Variants in BRD9 observed in about 807,000 individuals in gnomAD.
The protein encoded by BRD9 is bromodomain containing 9.
BRD9 carries 47 observed loss-of-function variants against 68.7 expected under a neutral mutation model. The ratio of observed to expected loss-of-function variants is 0.68; its 90% CI spans 0.54 to 0.87. The LOEUF (loss-of-function observed/expected upper bound fraction) is 0.87, where lower values mean the gene tolerates loss of function less well. Ranked by LOEUF, BRD9 falls within the 40% of genes least tolerant of loss-of-function variation. The probability of loss-of-function intolerance (pLI) is 0.00; values close to 1 mark genes in which losing one functional copy is unlikely to be tolerated. For synonymous variants in BRD9, 313 were observed against 293.9 expected (o/e 1.06, Z -0.67); for missense variants, 670 against 748.4 (o/e 0.90, Z 1.22).
chr5:892,701 G>A lies in BRD9; in HGVS notation c.-44C>T. The A allele has an allele frequency of 7.4e-7, 1 of 1,352,270 alleles. No homozygotes were observed. Among genetic ancestry groups the A allele is most frequent in the South Asian group, 1.9e-5 (1 of 53,524 alleles). 83.8% of individuals were successfully genotyped at this position (1,352,270 alleles called of 1,614,324 possible). A position where few individuals can be genotyped will look rare whatever the true frequency, so the allele number is the denominator to read the frequency against. On this transcript the variant is annotated 5_prime_UTR_variant, in exon 1 of 16. Transcript: ENST00000467963. ...CCCGAGGCGGGGGCTGGGAACAGCT[G>A]GCACCCGGTCGGACCTTGGCCGCCA...
intron 3 of BRD9, among the ~76,000 whole-genome samples, chr5:890,197 A>C (rs1244321019): frequency 6.6e-6 from 1 of 152,126 alleles, no homozygotes; most frequent in African/African-American, 2.4e-5. Flanking sequence ...TGTTTCAAAA[A>C]TAAATTAAAA....
At position 891,709 on chromosome 5, in the gene BRD9, C is replaced by A; in HGVS notation, c.198G>T (p.Lys66Asn). The change falls in exon 2 of 16, where the codon AAG (lysine) becomes AAT (asparagine). Residue 66 changes from lysine to asparagine, a missense_variant. By Grantham distance (94) the Lys-to-Asn change is moderately conservative. Around this residue, in one of 5 missense-constraint regions of BRD9, gnomAD observed 161 missense variants for 148.1 expected, o/e 1.09. Coordinates refer to ENST00000467963, the MANE Select transcript of BRD9 (RefSeq NM_023924.5). ...SDHERERHKEKKKKKKKKSEK... is the reference protein window; with the variant it reads ...SDHERERHKENKKKKKKKSEK... Reference sequence around the variant, plus strand: ...CGGACTTCTTCTTCTTCTTCTTTTTCTTTTCTTTGTGCCTCTCTCGCTCAT... The same window carrying A: ...CGGACTTCTTCTTCTTCTTCTTTTTATTTTCTTTGTGCCTCTCTCGCTCAT... 6.4e-7 allele frequency: 1 copy of A among 1,551,590 alleles called. No homozygotes were observed. The highest frequency in any genetic ancestry group is 8.7e-7 in the Non-Finnish European group (1 of 1,146,988).
chr5:873,302 G>C (rs1750421806), intron 12 of BRD9, among the ~76,000 whole-genome samples: 1 of 152,198 alleles, frequency 6.6e-6, no homozygotes, highest in Non-Finnish European at 1.5e-5. Context: ...CAGATAAGGA[G>C]AAACTGAAGA....
intron 9 of BRD9, 24 bp downstream of exon 9, chr5:881,083 A>T: frequency 6.2e-7 from 1 of 1,612,584 alleles, no homozygotes; most frequent in Non-Finnish European, 8.5e-7. Flanking sequence ...GAGAGCATAA[A>T]GCCAGCCCTG....
chr5:869,843 C>G (rs547226204), intron 14 of BRD9, among the ~76,000 whole-genome samples: 1 of 152,340 alleles, frequency 6.6e-6, no homozygotes, highest in South Asian at 2.1e-4. Flanking sequence ...TGACTGATGT[C>G]CTCTGTCTCC....
In BRD9 at chr5:871,420, A is replaced by G. The variant is rs1389104023; in HGVS notation, c.1422+106T>C. On this transcript the variant is annotated intron_variant, in intron 13 of 15. Coordinates refer to ENST00000467963, the MANE Select transcript of BRD9 (RefSeq NM_023924.5). ...ATCTTACTGATCAGAAACGGACTCCATTTCTAAACGCCGTCATACACACAG... is the reference window on the plus strand; with the variant it reads ...ATCTTACTGATCAGAAACGGACTCCGTTTCTAAACGCCGTCATACACACAG... 5 of 1,014,832 alleles carry G rather than the reference A, an allele frequency of 4.9e-6. No homozygotes were observed. The African/African-American group carries it at 6.4e-5, about 13-fold the overall frequency. The allele number at this position is 1,014,832 out of a possible 1,614,324, so 62.9% of individuals were successfully genotyped here.
chr5:884,888 G>T (rs535099381), intron 7 of BRD9, among the ~76,000 whole-genome samples: 1 of 152,378 alleles, frequency 6.6e-6, no homozygotes, highest in Admixed American at 6.5e-5. Context: ...TGTGACACTA[G>T]GTGAAGGTGA....
chr5:886,553 C>CA (rs760084072), intron 7 of BRD9, 39 bp downstream of exon 7: 3 of 1,580,002 alleles, frequency 1.9e-6, no homozygotes, highest in Non-Finnish European at 2.6e-6. Context: ...CTATGGTGCT[C>CA]AACTCCAAAA....
Position 865,483 on chromosome 5 carries a change from C to T in BRD9, c.1624G>A (p.Gly542Ser), listed in dbSNP as rs767016534. The T allele has an allele frequency of 1.6e-5, 26 of 1,602,058 alleles. No homozygotes were observed. In the South Asian group the frequency reaches 2.2e-4, roughly 14 times the overall value. Residue 542 changes from glycine to serine, a missense_variant, in exon 15 of 16, where the codon GGC becomes AGC. Transcript: ENST00000467963. Reference protein sequence around the residue: ...QDLHEAQAERGGSRPSSNLSS... With the variant: ...QDLHEAQAERSGSRPSSNLSS... ...AGGTTGGACGACGGCCGAGAGCCGCCGCGCTCCGCCTGTGCTTCGTGCAGG... is the reference window on the plus strand; with the variant it reads ...AGGTTGGACGACGGCCGAGAGCCGCTGCGCTCCGCCTGTGCTTCGTGCAGG...
intron 14 of BRD9, 127 bp downstream of exon 14, chr5:870,346 T>C: frequency 1.4e-6 from 1 of 716,518 alleles, no homozygotes; most frequent in South Asian, 1.8e-5. Context: ...AAAGACCAAA[T>C]ACCGTAACAA....
intron 1 of BRD9, 154 bp downstream of exon 1, chr5:892,452 C>T: frequency 7.1e-7 from 1 of 1,410,792 alleles, no homozygotes; most frequent in East Asian, 3.0e-5. Context: ...CGGTTCCCTG[C>T]CCGAAATCCC....
In BRD9 at chr5:892,543, CG is replaced by C. The variant is rs1753620799; in HGVS notation, c.52+62del. On this transcript the variant is annotated intron_variant, in intron 1 of 15. Coordinates refer to ENST00000467963, the MANE Select transcript of BRD9 (RefSeq NM_023924.5). ...TGCCCAGGACCCCCGTCCGCGTGCCCGGAACTCCTCCCCCGTGCCCGGGACC... is the reference window on the plus strand; with the variant it reads ...TGCCCAGGACCCCCGTCCGCGTGCCCGAACTCCTCCCCCGTGCCCGGGACC... 3.7e-5 allele frequency: 56 copies of C among 1,522,120 alleles called. No homozygotes were observed. The East Asian group carries it at 1.4e-3, about 38-fold the overall frequency. 94.3% of individuals were successfully genotyped at this position (1,522,120 alleles called of 1,614,324 possible).
chr5:892,545 G>C, intron 1 of BRD9, 61 bp downstream of exon 1: 3 of 1,523,126 alleles, frequency 2.0e-6, no homozygotes, highest in East Asian at 5.2e-5. Context: ...CGCGTGCCCG[G>C]AACTCCTCCC....
rs1442325864 is a variant in BRD9 at position 883,972 on chromosome 5, C to T, written c.932G>A (p.Arg311Gln). The change falls in exon 8 of 16, where the codon CGG becomes CAG. Residue 311 changes from arginine to glutamine, a missense_variant. Arg to Gln is a conservative substitution (Grantham distance 43). Coordinates refer to ENST00000467963, the MANE Select transcript of BRD9 (RefSeq NM_023924.5). ...ALVEHAADEARDRINRFLPGG... is the reference protein window; with the variant it reads ...ALVEHAADEAQDRINRFLPGG... The stretch of plus-strand genomic sequence containing the variant: ...TGGGAGGAACCGGTTGATCCTGTCC[C>T]GAGCTTCGTCAGCTGCGTGCTCCAC... The T allele has an allele frequency of 9.3e-6, 15 of 1,613,272 alleles. No individual in the cohort carries two copies. The highest frequency in any genetic ancestry group is 2.2e-5 in the East Asian group (1 of 44,890).
chr5:883,190 T>C (rs536975677), intron 8 of BRD9: 1 of 385,260 alleles, frequency 2.6e-6, no homozygotes, highest in Admixed American at 3.1e-5. Context: ...ACCTCTGAAA[T>C]GCCCCCACTT....
intron 5 of BRD9, among the ~76,000 whole-genome samples, chr5:888,051 C>T (rs1580003587): frequency 6.6e-6 from 1 of 152,296 alleles, no homozygotes; most frequent in East Asian, 1.9e-4. Flanking sequence ...AGGTGAGTAC[C>T]AACGTCAGGC....
intron 8 of BRD9, chr5:883,138 G>T: frequency 2.7e-6 from 1 of 367,510 alleles, no homozygotes. Context: ...GCCACACAGA[G>T]CACTGCAACT....
chr5:881,502 T>C (rs1314670714), intron 8 of BRD9: 1 of 426,644 alleles, frequency 2.3e-6, no homozygotes, highest in East Asian at 4.9e-5. Context: ...CAGGTCAGCA[T>C]GGCACTGCCC....
At chr5:888,980 GA>G in intron 5 of BRD9, 40 bp downstream of exon 5, 2 of 1,590,028 alleles carry the variant, frequency 1.3e-6, no homozygotes, top group South Asian at 2.3e-5. Flanking sequence ...TGAATACACA[GA>G]ACTATGCCAC....
Sources: allele counts gnomAD v4.1 joint callset (sites outside exome capture counted in the v4.1 genomes callset), GRCh38; gene constraint gnomAD v4.1.1; regional missense constraint gnomAD v4.1.1; transcripts MANE v1.5; gene names NCBI Gene and HGNC (gene_info 2026-07-23, HGNC 2026-07-21).